The following NHLRC3 variants were observed in gnomAD, a reference collection of about 807,000 sequenced individuals.
The protein encoded by NHLRC3 is NHL repeat containing 3.
NHLRC3 carries 23 observed loss-of-function variants against 32.0 expected under a neutral mutation model. That is an observed-to-expected ratio of 0.72 (90% CI 0.52 to 1.02). The LOEUF (loss-of-function observed/expected upper bound fraction) is 1.02, where lower values mean the gene tolerates loss of function less well. NHLRC3 is among the 50% of genes least tolerant of loss of function. NHLRC3 has a pLI of 0.00. For synonymous variants in NHLRC3, 159 were observed against 147.9 expected (o/e 1.08, Z -0.55); for missense variants, 407 against 406.8 (o/e 1.00, Z -0.01).
chr13:39,044,229 T>TTGTGGGTGTG (rs397951843), intron 5 of NHLRC3, 48 bp downstream of exon 5: 18,873 of 856,330 alleles, frequency 0.022, 553 homozygotes, highest in African/African-American at 0.071. Context: ...CTGAATATGT[T>TTGTGGGTGTG]TGTGTGTGTG....
chr13:39,043,980 A>G, intron 4 of NHLRC3, 110 bp from the exon 5 acceptor site: 2 of 780,812 alleles, frequency 2.6e-6, no homozygotes, highest in South Asian at 1.6e-5. Flanking sequence ...AGCATAGTCA[A>G]GTGAACCAGC....
chr13:39,041,358 C>A (rs960238796), intron 3 of NHLRC3: 1 of 152,050 alleles, frequency 6.6e-6, no homozygotes, highest in Non-Finnish European at 1.5e-5. Context: ...CAAGCTGATT[C>A]ACTTTCTTTC....
At chr13:39,039,078 C>CGT in intron 1 of NHLRC3, 58 bp from the exon 2 acceptor site, 58 of 1,037,988 alleles carry the variant, frequency 5.6e-5, no homozygotes, top group Non-Finnish European at 8.0e-5. Flanking sequence ...CCCCCCCGCC[C>CGT]TTTTTTTGTT....
In NHLRC3 at chr13:39,047,100, T is replaced by C. The variant is rs1452514820; in HGVS notation, c.739T>C (p.Trp247Arg). The change falls in exon 6 of 7, where the codon TGG (tryptophan) becomes CGG (arginine). Residue 247 changes from tryptophan to arginine, a missense_variant. Coordinates refer to ENST00000379600, the MANE Select transcript of NHLRC3 (RefSeq NM_001012754.4). ...AGTATTTGATAAAGACACTGGGGAG[T>C]GGTTAGGAGCATGGAATAATTGTTT... ...IQVFDKDTGE[W>R]LGAWNNCFTE... The C allele has an allele frequency of 6.2e-7, 1 of 1,612,184 alleles. No homozygotes were observed. Among genetic ancestry groups the C allele is most frequent in the Non-Finnish European group, 8.5e-7 (1 of 1,179,258 alleles).
At chr13:39,044,414 G>T in intron 5 of NHLRC3, 1 of 429,074 alleles carries the variant, frequency 2.3e-6, no homozygotes, top group Non-Finnish European at 4.1e-6. Flanking sequence ...TAGTGAGGGG[G>T]TTCCCCAAAC....
rs1471383086 is a variant in NHLRC3 at position 39,042,208 on chromosome 13, T to C, written c.489T>C (p.Phe163=). The C allele has an allele frequency of 6.2e-7, 1 of 1,611,402 alleles. No homozygotes were observed. The highest frequency in any genetic ancestry group is 1.3e-5 in the African/African-American group (1 of 74,858). The part of the protein sequence containing the change: ...KKGTSLNPLQ[F]DNPAELYVED... ...GCACTAGTTTGAATCCTTTGCAGTT[T>C]GATAACCCAGCAGAATTATATGTAG... is the stretch of plus-strand genomic sequence containing the variant. The change falls in exon 4 of 7, where the codon TTT becomes TTC. Residue 163 remains phenylalanine (F), a synonymous_variant. Transcript: ENST00000379600.
At position 39,038,639 on chromosome 13, in the gene NHLRC3, C is replaced by A; in HGVS notation, c.-1C>A. 1 of 1,614,084 alleles carries A rather than the reference C, an allele frequency of 6.2e-7. No homozygotes were observed. The highest frequency in any genetic ancestry group is 1.1e-5 in the South Asian group (1 of 91,066). ...TCCCTCTCCTGGCTTCCCGTCTGGT[C>A]ATGGCGAGATTCTGGGTCTGCGTAG... On this transcript the variant is annotated 5_prime_UTR_variant, in exon 1 of 7. Transcript: ENST00000379600.
intron 3 of NHLRC3, 21 bp from the exon 4 acceptor site, chr13:39,042,084 T>C (rs759568178): frequency 1.5e-6 from 2 of 1,368,734 alleles, no homozygotes; most frequent in Non-Finnish European, 2.1e-6. Context: ...ATTTGTGAGA[T>C]GTACATATCT....
intron 5 of NHLRC3, among the ~76,000 whole-genome samples, chr13:39,045,948 CA>C (rs1419777185): frequency 1.3e-5 from 2 of 152,104 alleles, no homozygotes; most frequent in African/African-American, 4.8e-5. Context: ...TCCAAAGGAC[CA>C]AAAGCAGGGA....
chr13:39,042,630 A>C (rs1042171847), intron 4 of NHLRC3, among the ~76,000 whole-genome samples: 2 of 152,198 alleles, frequency 1.3e-5, no homozygotes, highest in African/African-American at 4.8e-5. Flanking sequence ...CCCAGACTCA[A>C]GTATCCTACA....
chr13:39,045,716 C>G (rs1463331953), intron 5 of NHLRC3, among the ~76,000 whole-genome samples: 2 of 152,172 alleles, frequency 1.3e-5, no homozygotes, highest in East Asian at 3.9e-4. Flanking sequence ...GTCTCAAACT[C>G]TTTAAGAAAA....
rs1054096481 is a variant in NHLRC3, at chr13:39,049,234, T to C, written c.*1308T>C. 1 of 152,640 alleles carries C rather than the reference T, an allele frequency of 6.6e-6. No individual in the cohort carries two copies. Among genetic ancestry groups the C allele is most frequent in the Non-Finnish European group, 1.5e-5 (1 of 68,034 alleles). 9.5% of individuals were successfully genotyped at this position (152,640 alleles called of 1,614,324 possible). A position where few individuals can be genotyped will look rare whatever the true frequency, so the allele number is the denominator to read the frequency against. On this transcript the variant is annotated 3_prime_UTR_variant, in exon 7 of 7. Coordinates refer to ENST00000379600, the MANE Select transcript of NHLRC3 (RefSeq NM_001012754.4). Reference sequence around the variant, plus strand: ...GACTTTCCTCTTCACCTGTTATGGCTGGAGTATTTTCCAGACCTGAAGGGA... The same window carrying C: ...GACTTTCCTCTTCACCTGTTATGGCCGGAGTATTTTCCAGACCTGAAGGGA...
chr13:39,047,820 T>G lies in NHLRC3; in HGVS notation c.938T>G (p.Leu313Arg). 1 of 1,614,020 alleles carries G rather than the reference T, an allele frequency of 6.2e-7. No homozygotes were observed. The highest frequency in any genetic ancestry group is 8.5e-7 in the Non-Finnish European group (1 of 1,179,902). The change falls in exon 7 of 7, where the codon CTA (leucine) becomes CGA (arginine). Residue 313 changes from leucine to arginine, a missense_variant. Physicochemically the swap from Leu to Arg is moderately radical, Grantham distance 102. Transcript: ENST00000379600. ...GCAGATCAAGTTTTGCCACATCTCCTAGAAGTCGACAGAAAGACTGGAGCA... is the reference window on the plus strand; with the variant it reads ...GCAGATCAAGTTTTGCCACATCTCCGAGAAGTCGACAGAAAGACTGGAGCA... ...QLADQVLPHL[L>R]EVDRKTGAVY...
At chr13:39,038,321 G>A (rs1295776077), upstream of NHLRC3, 7 of 394,932 alleles carry the variant, frequency 1.8e-5, no homozygotes, top group Non-Finnish European at 2.8e-5. Context: ...ATACTTTGGT[G>A]GCCACTGAAA....
Position 39,047,139 on chromosome 13 carries a change from C to A in NHLRC3, c.778C>A (p.Pro260Thr). 1 of 1,588,574 alleles carries A rather than the reference C, an allele frequency of 6.3e-7. No individual in the cohort carries two copies. Among genetic ancestry groups the A allele is most frequent in the Non-Finnish European group, 8.6e-7 (1 of 1,158,700 alleles). Residue 260 changes from proline (P) to threonine (T), a missense_variant, in exon 6 of 7, where the codon CCT becomes ACT. Coordinates refer to ENST00000379600, the MANE Select transcript of NHLRC3 (RefSeq NM_001012754.4). ...AWNNCFTEEG[P>T]SSVRFTPDGK... Reference sequence around the variant, plus strand: ...GAATAATTGTTTCACAGAAGAGGGACCTTCTTCAGTCAGGTAATTGTTTCA... The same window carrying A: ...GAATAATTGTTTCACAGAAGAGGGAACTTCTTCAGTCAGGTAATTGTTTCA...
intron 5 of NHLRC3, among the ~76,000 whole-genome samples, chr13:39,046,334 C>A (rs1317002588): frequency 3.3e-5 from 5 of 152,134 alleles, no homozygotes; most frequent in South Asian, 2.1e-4. Context: ...ATAAAAAAAA[C>A]CATTTCCCTT....
intron 3 of NHLRC3, chr13:39,041,750 T>C (rs1386069201): frequency 9.7e-6 from 2 of 206,854 alleles, no homozygotes; most frequent in Non-Finnish European, 2.0e-5. Context: ...CATTTTCTTC[T>C]TGATTTCCTT....
intron 5 of NHLRC3, among the ~76,000 whole-genome samples, chr13:39,045,890 C>T (rs1259132754): frequency 6.6e-6 from 1 of 152,148 alleles, no homozygotes; most frequent in Non-Finnish European, 1.5e-5. Flanking sequence ...AAGCTGTAAT[C>T]AGGGTTACCT....
rs1407188987 is a variant in NHLRC3 at position 39,038,681 on chromosome 13, T to A, written c.42T>A (p.Phe14Leu). 1 of 1,614,062 alleles carries A rather than the reference T, an allele frequency of 6.2e-7. No homozygotes were observed. The highest frequency in any genetic ancestry group is 8.5e-7 in the Non-Finnish European group (1 of 1,180,032). Residue 14 changes from phenylalanine (F) to leucine (L), a missense_variant, in exon 1 of 7, where the codon TTT (phenylalanine) becomes TTA (leucine). Transcript: ENST00000379600. ...FWVCVAGAGF[F>L]LAFLVLHSRF... ...TCTGCGTAGCCGGTGCTGGCTTCTTTCTTGCATTTTTGGTTTTGCATTCGC... is the reference window on the plus strand; with the variant it reads ...TCTGCGTAGCCGGTGCTGGCTTCTTACTTGCATTTTTGGTTTTGCATTCGC...
Sources: allele counts gnomAD v4.1 joint callset (sites outside exome capture counted in the v4.1 genomes callset), GRCh38; gene constraint gnomAD v4.1.1; transcripts MANE v1.5; gene names NCBI Gene and HGNC (gene_info 2026-07-23, HGNC 2026-07-21).